The following SBNO1 variants were observed in gnomAD, a reference collection of about 807,000 sequenced individuals.
The protein encoded by SBNO1 is strawberry notch homolog 1, also known as protein strawberry notch homolog 1.
SBNO1 carries 23 observed loss-of-function variants against 173.6 expected under a neutral mutation model. The ratio of observed to expected loss-of-function variants is 0.13; its 90% CI spans 0.10 to 0.19. The LOEUF (loss-of-function observed/expected upper bound fraction) is 0.19. SBNO1 is among the 10% of genes least tolerant of loss of function. The probability of loss-of-function intolerance (pLI) is 1.00; values close to 1 mark genes in which losing one functional copy is unlikely to be tolerated. For missense variants in SBNO1, 1,238 were observed against 1,671.2 expected (o/e 0.74, Z 4.52); for synonymous variants, 632 against 571.5 (o/e 1.11, Z -1.51).
At position 123,311,043 on chromosome 12, in the gene SBNO1, T is replaced by C. The variant is rs1868426017; in HGVS notation, c.3295+12A>G. The stretch of plus-strand genomic sequence containing the variant: ...CAACAGTTATATGCCCACACAAAGC[T>C]AATAGTAGTACCTTTATCGAGAGTA... On this transcript the variant is annotated intron_variant, in intron 25 of 31. Coordinates refer to ENST00000602398, the MANE Select transcript of SBNO1 (RefSeq NM_001167856.3). 1.3e-6 allele frequency: 2 copies of C among 1,587,030 alleles called. No homozygotes were observed. Among genetic ancestry groups the C allele is most frequent in the Non-Finnish European group, 1.7e-6 (2 of 1,155,580 alleles).
Position 123,336,375 on chromosome 12 carries a change from G to C in SBNO1, c.748+20C>G. The C allele has an allele frequency of 1.4e-6, 2 of 1,428,240 alleles. No individual in the cohort carries two copies. Among genetic ancestry groups the C allele is most frequent in the Non-Finnish European group, 1.9e-6 (2 of 1,026,744 alleles). 88.5% of individuals were successfully genotyped at this position (1,428,240 alleles called of 1,614,324 possible). ...CAGGAAAACTTTGATGTAAATATCT[G>C]ACAAATCCCGAAGACATACATTTTA... On this transcript the variant is annotated intron_variant, in intron 6 of 31. Coordinates refer to ENST00000602398, the MANE Select transcript of SBNO1 (RefSeq NM_001167856.3).
At chr12:123,311,955 G>C (rs2138928639) in intron 24 of SBNO1, among the ~76,000 whole-genome samples, 1 of 150,918 alleles carries the variant, frequency 6.6e-6, no homozygotes, top group East Asian at 2.0e-4. Flanking sequence ...GCCCAGGCTG[G>C]TCTTGATCTC....
intron 7 of SBNO1, among the ~76,000 whole-genome samples, chr12:123,332,584 TCAGA>T (rs1305612678): frequency 6.6e-6 from 1 of 151,714 alleles, no homozygotes; most frequent in Non-Finnish European, 1.5e-5. Flanking sequence ...TTAGTTTTTT[TCAGA>T]CAGAGTCTCA....
rs556005258 is a variant in SBNO1 at position 123,347,547 on chromosome 12, A to T, written c.237+482T>A. Among the ~76,000 whole-genome samples the T allele has an allele frequency of 4.0e-4, 60 of 148,634 alleles. 1 individual carries two copies. The highest frequency in any genetic ancestry group is 7.2e-3 in the Middle Eastern group (2 of 278). On this transcript the variant is annotated intron_variant, in intron 3 of 31. Coordinates refer to ENST00000602398, the MANE Select transcript of SBNO1 (RefSeq NM_001167856.3). ...GGCCTCTTTTTTTATGTTTTTTGAG[A>T]TGAAGTCTCACTCTGTCGCCCAGGC...
rs74679372 is a variant in SBNO1, at chr12:123,331,295, C to T, written c.990G>A (p.Thr330=). ...GDGAGVGKGR[T]IAGIIYENYL... is the part of the protein sequence containing the mutation. ...AATTTTCATAGATGATTCCTGCTATCGTCCTTCCTTTTCCTACACCGGCAC... is the reference window on the plus strand; with the variant it reads ...AATTTTCATAGATGATTCCTGCTATTGTCCTTCCTTTTCCTACACCGGCAC... The change falls in exon 8 of 32, where the codon ACG becomes ACA. Residue 330 remains threonine (T), a synonymous_variant. Coordinates refer to ENST00000602398, the MANE Select transcript of SBNO1 (RefSeq NM_001167856.3). 5.1e-5 allele frequency: 83 copies of T among 1,613,890 alleles called. No homozygotes were observed. Among genetic ancestry groups the T allele is most frequent in the Non-Finnish European group, 6.2e-5 (73 of 1,179,920 alleles).
chr12:123,311,023 G>A (rs774117590), intron 25 of SBNO1, 32 bp downstream of exon 25: 1 of 1,445,088 alleles, frequency 6.9e-7, no homozygotes, highest in Non-Finnish European at 9.7e-7. Flanking sequence ...TATAGCAACA[G>A]TTATATGCCC....
chr12:123,323,961 T>A (rs1425166648), intron 15 of SBNO1, 130 bp from the exon 16 acceptor site: 1 of 663,884 alleles, frequency 1.5e-6, no homozygotes, highest in African/African-American at 1.9e-5. Flanking sequence ...CAAATAAATT[T>A]TAATTTTCTA....
chr12:123,336,520 C>G (rs947425320), intron 5 of SBNO1, 29 bp from the exon 6 acceptor site: 1 of 1,463,802 alleles, frequency 6.8e-7, no homozygotes, highest in African/African-American at 1.4e-5. Flanking sequence ...ACAATCAATC[C>G]CAAATCCAGG....
At chr12:123,315,229 T>A in intron 23 of SBNO1, 144 bp downstream of exon 23, 1 of 628,130 alleles carries the variant, frequency 1.6e-6, no homozygotes, top group Non-Finnish European at 2.8e-6. Context: ...CATGTGAAAT[T>A]CTGTCTTATA....
intron 24 of SBNO1, among the ~76,000 whole-genome samples, chr12:123,313,272 G>A (rs1009142309): frequency 9.0e-5 from 13 of 145,072 alleles, no homozygotes; most frequent in Non-Finnish European, 1.5e-4. Flanking sequence ...AAAAAGACTC[G>A]GTCTTAAAAA....
intron 1 of SBNO1, among the ~76,000 whole-genome samples, chr12:123,357,885 C>T (rs1344688900): frequency 2.0e-5 from 3 of 152,192 alleles, no homozygotes; most frequent in South Asian, 4.1e-4. Flanking sequence ...AAGGAATGTG[C>T]AAATTATATA....
At chr12:123,363,671 T>C (rs1875678802) in intron 1 of SBNO1, among the ~76,000 whole-genome samples, 1 of 152,130 alleles carries the variant, frequency 6.6e-6, no homozygotes. Context: ...GTTGCTTTAT[T>C]TGTCTCTCAT....
At chr12:123,364,381 C>G (rs1256834364) in intron 1 of SBNO1, 3 of 985,182 alleles carry the variant, frequency 3.0e-6, no homozygotes, top group Non-Finnish European at 3.6e-6. Flanking sequence ...GTGCACAGAC[C>G]CTGCCCCGCG....
chr12:123,326,088 C>T, intron 14 of SBNO1, 64 bp downstream of exon 14: 2 of 1,138,858 alleles, frequency 1.8e-6, no homozygotes. Flanking sequence ...CAGAAAACCT[C>T]AGCACCCACA....
At chr12:123,299,500 T>C (rs2048711665) in intron 30 of SBNO1, among the ~76,000 whole-genome samples, 1 of 150,460 alleles carries the variant, frequency 6.6e-6, no homozygotes, top group Non-Finnish European at 1.5e-5. Flanking sequence ...GCTAACATGG[T>C]GAAACCCCGT....
At chr12:123,346,111 A>G (rs991729181) in intron 3 of SBNO1, among the ~76,000 whole-genome samples, 4 of 152,240 alleles carry the variant, frequency 2.6e-5, no homozygotes, top group African/African-American at 7.2e-5. Context: ...ACTATCCCAC[A>G]CAAACCGAAA....
intron 3 of SBNO1, 112 bp from the exon 4 acceptor site, chr12:123,345,682 C>T (rs905399572): frequency 5.6e-6 from 4 of 720,534 alleles, no homozygotes; most frequent in South Asian, 2.3e-5. Flanking sequence ...TTTATTATTG[C>T]TTTTTTTTTT....
chr12:123,312,936 G>A (rs1868771112), intron 24 of SBNO1, among the ~76,000 whole-genome samples: 1 of 152,030 alleles, frequency 6.6e-6, no homozygotes, highest in African/African-American at 2.4e-5. Context: ...GGGCACGGTA[G>A]CTCATGCCTG....
At chr12:123,351,595 C>A (rs570406620) in intron 1 of SBNO1, among the ~76,000 whole-genome samples, 2 of 152,186 alleles carry the variant, frequency 1.3e-5, no homozygotes, top group African/African-American at 4.8e-5. Context: ...GCCTGGGTTA[C>A]AGAGTAAGAC....
Sources: allele counts gnomAD v4.1 joint callset (sites outside exome capture counted in the v4.1 genomes callset), GRCh38; gene constraint gnomAD v4.1.1; transcripts MANE v1.5; gene names NCBI Gene and HGNC (gene_info 2026-07-23, HGNC 2026-07-21).